MSLN: variants seen among roughly 807,000 people sequenced by gnomAD.
The protein encoded by MSLN is mesothelin.
In MSLN, 82 loss-of-function variants were observed where a neutral mutation model predicts 72.6. That is an observed-to-expected ratio of 1.13 (90% CI 0.94 to 1.36). The LOEUF is 1.36. Among genes scored for constraint, MSLN ranks in the 40% most tolerant of loss-of-function variants. The pLI, the probability that MSLN is intolerant of heterozygous loss-of-function variation, is 0.00. For missense variants in MSLN, 1,005 were observed against 847.9 expected (o/e 1.19, Z -2.30); for synonymous variants, 456 against 387.3 (o/e 1.18, Z -2.08).
chr16:763,951 G>A, intron 5 of MSLN, 72 bp from the exon 6 acceptor site: 1 of 1,574,956 alleles, frequency 6.3e-7, no homozygotes, highest in Non-Finnish European at 8.6e-7. Context: ...GGGGCTGTGG[G>A]GCTTGGGGAG....
chr16:764,445 G>T (rs941956415), intron 6 of MSLN, among the ~76,000 whole-genome samples: 1 of 152,170 alleles, frequency 6.6e-6, no homozygotes, highest in South Asian at 2.1e-4. Context: ...GGGAGTGGGT[G>T]AGATCTGGGG....
At chr16:764,753 C>A in intron 7 of MSLN, 27 bp downstream of exon 7, 1 of 1,589,916 alleles carries the variant, frequency 6.3e-7, no homozygotes, top group Non-Finnish European at 8.6e-7. Flanking sequence ...GAACCCACCC[C>A]CCCGGCTTTT....
intron 2 of MSLN, 103 bp from the exon 3 acceptor site, chr16:762,569 T>G: frequency 1.2e-6 from 1 of 834,996 alleles, no homozygotes; most frequent in Non-Finnish European, 2.0e-6. Flanking sequence ...CACAGAAGTT[T>G]GCTCTGGGAG....
chr16:762,175 C>T (rs1389614492), intron 2 of MSLN, among the ~76,000 whole-genome samples: 1 of 152,216 alleles, frequency 6.6e-6, no homozygotes, highest in Non-Finnish European at 1.5e-5. Context: ...GGCCTCTGTG[C>T]CCGCAGTGCC....
chr16:767,319 C>T (rs990639009), intron 15 of MSLN, 57 bp from the exon 16 acceptor site: 1 of 1,490,326 alleles, frequency 6.7e-7, no homozygotes, highest in African/African-American at 1.4e-5. Context: ...AGCCTGTGGT[C>T]AAGGGCCTGG....
chr16:763,971 G>C lies in MSLN; in HGVS notation c.180-52G>C, dbSNP rs539872819. On this transcript the variant is annotated intron_variant, in intron 5 of 17. Transcript: ENST00000545450. ...TGTGGGGCTTGGGGAGCACTGGGTG[G>C]ACATTGCAGGGGAGGGGCGATCGTG... is the stretch of plus-strand genomic sequence containing the variant. 1.9e-6 allele frequency: 3 copies of C among 1,587,214 alleles called. No homozygotes were observed. The Admixed American group carries it at 5.1e-5, about 27-fold the overall frequency.
chr16:764,983 C>T lies in MSLN; in HGVS notation c.457C>T (p.Pro153Ser). ...CACGAAGGCCAATGTGGACCTGCTCCCGAGGGGGGCTCCCGAGCGACAGCG... is the reference window on the plus strand; with the variant it reads ...CACGAAGGCCAATGTGGACCTGCTCTCGAGGGGGGCTCCCGAGCGACAGCG... The part of the protein sequence containing the change: ...RITKANVDLL[P>S]RGAPERQRLL... Residue 153 changes from proline to serine, a missense_variant, in exon 8 of 18, where the codon CCG (proline) becomes TCG (serine). Physicochemically the swap from Pro to Ser is moderately conservative, Grantham distance 74. Transcript: ENST00000545450. 6 of 1,612,338 alleles carry T rather than the reference C, an allele frequency of 3.7e-6. No homozygotes were observed. The highest frequency in any genetic ancestry group is 5.1e-6 in the Non-Finnish European group (6 of 1,179,724).
At chr16:768,263 G>T in intron 16 of MSLN, 116 bp from the exon 17 acceptor site, 1 of 1,074,558 alleles carries the variant, frequency 9.3e-7, no homozygotes, top group East Asian at 2.6e-5. Context: ...GAAGTCTGGA[G>T]AGGCTGCGGT....
intron 4 of MSLN, 63 bp from the exon 5 acceptor site, chr16:763,579 A>T: frequency 6.7e-7 from 1 of 1,485,542 alleles, no homozygotes. Flanking sequence ...GGGTAGCGGG[A>T]CCTGGGAACT....
Position 763,406 on chromosome 16 carries a change from G to T in MSLN, c.129+130G>T. 4.4e-6 allele frequency: 4 copies of T among 899,994 alleles called. No homozygotes were observed. The South Asian group carries it at 4.7e-5, about 11-fold the overall frequency. 55.8% of individuals were successfully genotyped at this position (899,994 alleles called of 1,614,324 possible). A position where few individuals can be genotyped will look rare whatever the true frequency, so the allele number is the denominator to read the frequency against. On this transcript the variant is annotated intron_variant, in intron 4 of 17. Transcript: ENST00000545450. ...GGTCCTTGCTTGCAAAGGGGCACCT[G>T]GACCTGCATGTGACTGGCCTGGGAG...
chr16:762,077 C>G (rs1411697290), intron 2 of MSLN, among the ~76,000 whole-genome samples: 4 of 152,234 alleles, frequency 2.6e-5, no homozygotes, highest in African/African-American at 9.6e-5. Flanking sequence ...CTCACTGGCC[C>G]AGCCCCGCCC....
chr16:768,241 C>A, intron 16 of MSLN, 138 bp from the exon 17 acceptor site: 1 of 825,250 alleles, frequency 1.2e-6, no homozygotes, highest in Non-Finnish European at 1.8e-6. Context: ...GGTCAGCTGG[C>A]CGGAGACCTC....
rs774087865 is a variant in MSLN at position 763,994 on chromosome 16, G to A, written c.180-29G>A. 8.8e-5 allele frequency: 140 copies of A among 1,593,280 alleles called. No individual in the cohort carries two copies. The Admixed American group carries it at 1.8e-3, about 20-fold the overall frequency. Reference sequence around the variant, plus strand: ...TGGACATTGCAGGGGAGGGGCGATCGTGGGTGCCCAGCCCGACCCTTCCTG... The same window carrying A: ...TGGACATTGCAGGGGAGGGGCGATCATGGGTGCCCAGCCCGACCCTTCCTG... On this transcript the variant is annotated intron_variant, in intron 5 of 17. Transcript: ENST00000545450.
Position 766,685 on chromosome 16 carries a change from C to T in MSLN, c.1248C>T (p.Asp416=). 3 of 1,612,584 alleles carry T rather than the reference C, an allele frequency of 1.9e-6. No homozygotes were observed. Among genetic ancestry groups the T allele is most frequent in the Non-Finnish European group, 2.5e-6 (3 of 1,179,878 alleles). The change falls in exon 14 of 18, where the codon GAC becomes GAT. Residue 416 remains aspartate (D), a synonymous_variant. Coordinates refer to ENST00000545450, the MANE Select transcript of MSLN (RefSeq NM_005823.6). ...EMSPQVATLI[D]RFVKGRGQLD... ...TCCCACAGGTGGCCACCCTGATCGA[C>T]CGCTTTGTGAAGGGAAGGGGCCAGC...
At position 768,325 on chromosome 16, in the gene MSLN, G is replaced by T. The variant is rs565104586; in HGVS notation, c.1597-54G>T. The T allele has an allele frequency of 3.0e-3, 4,392 of 1,476,628 alleles. 12 individuals carry two copies. The highest frequency in any genetic ancestry group is 3.6e-3 in the South Asian group (248 of 69,100). 91.5% of individuals were successfully genotyped at this position (1,476,628 alleles called of 1,614,324 possible). A position where few individuals can be genotyped will look rare whatever the true frequency, so the allele number is the denominator to read the frequency against. The stretch of plus-strand genomic sequence containing the variant: ...ACACAGGAGAGCCTGGCAGCCCTCT[G>T]GCGGCGCTGAGGGAAGGAGACCCTC... On this transcript the variant is annotated intron_variant, in intron 16 of 17. Coordinates refer to ENST00000545450, the MANE Select transcript of MSLN (RefSeq NM_005823.6).
At chr16:767,074 G>A (rs1416943383) in intron 15 of MSLN, 62 bp downstream of exon 15, 42 of 1,605,660 alleles carry the variant, frequency 2.6e-5, no homozygotes, top group Middle Eastern at 1.9e-4. Context: ...GACTCCACTC[G>A]GGGGTGCCAG....
chr16:765,937 G>A (rs2041601833), intron 11 of MSLN, 122 bp from the exon 12 acceptor site: 1 of 1,330,090 alleles, frequency 7.5e-7, no homozygotes, highest in African/African-American at 1.4e-5. Context: ...CTGTTTGCCA[G>A]TGGGTAAACT....
In MSLN at chr16:768,750, C is replaced by G; in HGVS notation, c.*17C>G. 1 of 1,608,680 alleles carries G rather than the reference C, an allele frequency of 6.2e-7. No individual in the cohort carries two copies. ...CTGGCCTGAGGGCCCCACTCCCTTGCTGGCCCCAGCCCTGCTGGGGATCCC... is the reference window on the plus strand; with the variant it reads ...CTGGCCTGAGGGCCCCACTCCCTTGGTGGCCCCAGCCCTGCTGGGGATCCC... On this transcript the variant is annotated 3_prime_UTR_variant, in exon 18 of 18. Transcript: ENST00000545450.
Position 766,651 on chromosome 16 carries a change from G to T in MSLN, c.1231-17G>T, listed in dbSNP as rs751744116. On this transcript the variant is annotated splice_polypyrimidine_tract_variant and intron_variant, in intron 13 of 17. Coordinates refer to ENST00000545450, the MANE Select transcript of MSLN (RefSeq NM_005823.6). Reference sequence around the variant, plus strand: ...ATCTCTCCTTGCCACAAGGCTCCTCGGCGGCCCCTCCCACAGGTGGCCACC... The same window carrying T: ...ATCTCTCCTTGCCACAAGGCTCCTCTGCGGCCCCTCCCACAGGTGGCCACC... The T allele has an allele frequency of 2.5e-6, 4 of 1,612,184 alleles. No individual in the cohort carries two copies. The highest frequency in any genetic ancestry group is 4.5e-5 in the East Asian group (2 of 44,866).
Sources: allele counts gnomAD v4.1 joint callset (sites outside exome capture counted in the v4.1 genomes callset), GRCh38; gene constraint gnomAD v4.1.1; transcripts MANE v1.5; gene names NCBI Gene and HGNC (gene_info 2026-07-23, HGNC 2026-07-21).